ERC1: variants seen among roughly 807,000 people sequenced by gnomAD.
ERC1 encodes the protein ELKS/RAB6-interacting/CAST family member 1, also known as RAB6 interacting protein 2.
ERC1 carries 56 observed loss-of-function variants against 132.0 expected under a neutral mutation model. The observed-to-expected ratio is 0.42, with a 90% CI of 0.34 to 0.53. The LOEUF is 0.53. ERC1 is among the 20% of genes least tolerant of loss of function. The pLI, the probability that ERC1 is intolerant of heterozygous loss-of-function variation, is 0.03. For synonymous variants in ERC1, 478 were observed against 476.1 expected (o/e 1.00, Z -0.05); for missense variants, 1,202 against 1,349.9 (o/e 0.89, Z 1.72).
At chr12:1,077,215 G>T (rs746912432) in intron 2 of ERC1, among the ~76,000 whole-genome samples, 6 of 151,966 alleles carry the variant, frequency 3.9e-5, no homozygotes, top group Non-Finnish European at 8.8e-5. Flanking sequence ...ACCATTTCAC[G>T]TGTCCATAAT....
Position 1,349,792 on chromosome 12 carries a change from T to G in ERC1, c.2781-22041T>G, listed in dbSNP as rs568179780. ...TGATTATACTTAGACCTTAAAAAAC[T>G]TTTAGGAGTTCATCAAACACATAAC... On this transcript the variant is annotated intron_variant, in intron 15 of 18. Coordinates refer to ENST00000360905, the MANE Select transcript of ERC1 (RefSeq NM_178040.4). 7.9e-5 allele frequency among the ~76,000 whole-genome samples: 12 copies of G among 152,292 alleles called. No homozygotes were observed. The South Asian group carries it at 2.3e-3, about 29-fold the overall frequency.
At chr12:1,011,146 C>G (rs1053900629) in intron 1 of ERC1, among the ~76,000 whole-genome samples, 1 of 152,072 alleles carries the variant, frequency 6.6e-6, no homozygotes, top group Non-Finnish European at 1.5e-5. Flanking sequence ...AAGTGTTCAC[C>G]CTGGAATTAC....
At position 1,296,401 on chromosome 12, in the gene ERC1, CTTTTTTTTTT is replaced by C. The variant is rs57458560; in HGVS notation, c.2780+6409_2780+6418del. ...AGAAATGAAACATTTATTGGATAGT[CTTTTTTTTTT>C]TTTTTTTTTTTTTTTTTTTGAGATG... On this transcript the variant is annotated intron_variant, in intron 15 of 18. Transcript: ENST00000360905. 4.7e-3 allele frequency among the ~76,000 whole-genome samples: 357 copies of C among 76,216 alleles called. 1 individual carries two copies. The highest frequency in any genetic ancestry group is 0.016 in the African/African-American group (289 of 17,548). 50.0% of individuals were successfully genotyped at this position (76,216 alleles called of 152,430 possible).
At chr12:1,215,772 A>C (rs1279421134) in intron 12 of ERC1, among the ~76,000 whole-genome samples, 2 of 152,082 alleles carry the variant, frequency 1.3e-5, no homozygotes, top group African/African-American at 4.8e-5. Context: ...CTGAAAAGGC[A>C]AAAAAACAAA....
chr12:1,201,451 C>T (rs937034177), intron 12 of ERC1, among the ~76,000 whole-genome samples: 20 of 152,062 alleles, frequency 1.3e-4, no homozygotes, highest in Admixed American at 3.9e-4. Flanking sequence ...TTTAAATGTA[C>T]GTGTAGTAAC....
chr12:1,257,447 T>C (rs2076883996), intron 13 of ERC1, among the ~76,000 whole-genome samples: 1 of 152,242 alleles, frequency 6.6e-6, no homozygotes, highest in Non-Finnish European at 1.5e-5. Context: ...AGATATTTTA[T>C]ATTTTTAGTA....
chr12:1,105,440 C>T (rs1945144352), intron 4 of ERC1, among the ~76,000 whole-genome samples: 1 of 152,122 alleles, frequency 6.6e-6, no homozygotes, highest in Non-Finnish European at 1.5e-5. Context: ...TCACTGCAAG[C>T]TCCGTCTCCC....
At chr12:1,375,475 G>GA (rs2087779404) in intron 16 of ERC1, among the ~76,000 whole-genome samples, 1 of 152,166 alleles carries the variant, frequency 6.6e-6, no homozygotes, top group Non-Finnish European at 1.5e-5. Context: ...TTCTGTAGAA[G>GA]GTAATCCTGG....
At chr12:1,193,451 CACACAT>C (rs1356051578) in intron 12 of ERC1, among the ~76,000 whole-genome samples, 1 of 151,890 alleles carries the variant, frequency 6.6e-6, no homozygotes, top group African/African-American at 2.4e-5. Flanking sequence ...CACACACACA[CACACAT>C]AGAGATAGAT....
At position 1,199,701 on chromosome 12, in the gene ERC1, C is replaced by G. The variant is rs375731859; in HGVS notation, c.2351+9649C>G. Among the ~76,000 whole-genome samples, 243 of 152,000 alleles carry G rather than the reference C, an allele frequency of 1.6e-3. 1 individual carries two copies. The highest frequency in any genetic ancestry group is 4.6e-3 in the Admixed American group (70 of 15,268). Reference sequence around the variant, plus strand: ...GCTGAGGCACAAGAATTGCTTGAACCTGGGAGGCAGAGGTTGCAGTGAGCT... The same window carrying G: ...GCTGAGGCACAAGAATTGCTTGAACGTGGGAGGCAGAGGTTGCAGTGAGCT... On this transcript the variant is annotated intron_variant, in intron 12 of 18. Coordinates refer to ENST00000360905, the MANE Select transcript of ERC1 (RefSeq NM_178040.4).
chr12:1,091,422 A>G (rs1018166449), intron 3 of ERC1, among the ~76,000 whole-genome samples: 1 of 152,162 alleles, frequency 6.6e-6, no homozygotes, highest in African/African-American at 2.4e-5. Context: ...AAGCATTAAC[A>G]GTTTTAAAGA....
chr12:1,368,780 A>C (rs556252223), intron 15 of ERC1, among the ~76,000 whole-genome samples: 1 of 152,346 alleles, frequency 6.6e-6, no homozygotes, highest in East Asian at 1.9e-4. Flanking sequence ...GGAAAATAAA[A>C]GAAAAACCTA....
chr12:1,109,322 A>G (rs887223726), intron 4 of ERC1, among the ~76,000 whole-genome samples: 3 of 152,256 alleles, frequency 2.0e-5, no homozygotes, highest in African/African-American at 4.8e-5. Flanking sequence ...AAGTACAGAC[A>G]ATAAGGATTG....
chr12:1,108,353 G>A (rs1010422118), intron 4 of ERC1, among the ~76,000 whole-genome samples: 10 of 152,104 alleles, frequency 6.6e-5, no homozygotes, highest in South Asian at 2.1e-4. Flanking sequence ...TACAGGTTCC[G>A]GCTGCCATGT....
chr12:1,161,742 C>G (rs1774399463), intron 8 of ERC1, among the ~76,000 whole-genome samples: 2 of 152,098 alleles, frequency 1.3e-5, no homozygotes, highest in Admixed American at 1.3e-4. Context: ...TACAAAAAAG[C>G]CTTAAATTCT....
At chr12:995,973 G>A (rs1241517914) in intron 1 of ERC1, among the ~76,000 whole-genome samples, 2 of 152,198 alleles carry the variant, frequency 1.3e-5, no homozygotes, top group Non-Finnish European at 2.9e-5. Context: ...AGAATGTTGA[G>A]TAAGAGAGAA....
intron 16 of ERC1, among the ~76,000 whole-genome samples, chr12:1,405,156 TAAATAAATAAA>T (rs2091380325): frequency 7.4e-6 from 1 of 135,596 alleles, no homozygotes; most frequent in Middle Eastern, 3.8e-3. Context: ...TATAAATAAA[TAAATAAATAAA>T]TAAATAAATA....
intron 17 of ERC1, among the ~76,000 whole-genome samples, chr12:1,437,284 T>C (rs1362754250): frequency 6.6e-6 from 1 of 152,226 alleles, no homozygotes; most frequent in Non-Finnish European, 1.5e-5. Context: ...TAATAATAGC[T>C]TCTGTGCCTC....
intron 16 of ERC1, among the ~76,000 whole-genome samples, chr12:1,389,709 C>T (rs73026428): frequency 0.031 from 4,678 of 152,188 alleles, 80 homozygotes; most frequent in Middle Eastern, 0.071. Flanking sequence ...AAGCTCTGTT[C>T]CTGGAAATGA....
Sources: allele counts gnomAD v4.1 joint callset (sites outside exome capture counted in the v4.1 genomes callset), GRCh38; gene constraint gnomAD v4.1.1; transcripts MANE v1.5; gene names NCBI Gene and HGNC (gene_info 2026-07-23, HGNC 2026-07-21).